The following KHDRBS2 variants were observed in gnomAD, a reference collection of about 807,000 sequenced individuals.
KHDRBS2 encodes KH RNA binding domain containing, signal transduction associated 2, also known as KH domain-containing, RNA-binding, signal transduction-associated protein 2.
In KHDRBS2, 26 loss-of-function variants were observed where a neutral mutation model predicts 44.3. The observed-to-expected ratio is 0.59, with a 90% CI of 0.43 to 0.81. KHDRBS2 has a LOEUF of 0.81. Ranked by LOEUF, KHDRBS2 falls within the 40% of genes least tolerant of loss-of-function variation. The pLI is 0.00. For synonymous variants in KHDRBS2, 194 were observed against 151.1 expected, an observed-to-expected ratio of 1.28 and a Z score of -2.08; for missense variants, 476 against 433.1, an observed-to-expected ratio of 1.10 and a Z score of -0.88.
chr6:61,786,408 T>C (rs1783815332), intron 6 of KHDRBS2, among the ~76,000 whole-genome samples: 1 of 152,036 alleles, frequency 6.6e-6, no homozygotes, highest in Non-Finnish European at 1.5e-5. Context: ...GCAATTTGAA[T>C]GAAATTAACA....
chr6:61,949,934 G>A lies in KHDRBS2; in HGVS notation c.483+28132C>T, dbSNP rs116989323. Among the ~76,000 whole-genome samples the A allele has an allele frequency of 4.3e-4, 65 of 152,092 alleles. No individual in the cohort carries two copies. The East Asian group carries it at 5.8e-3, about 14-fold the overall frequency. On this transcript the variant is annotated intron_variant, in intron 4 of 8. Coordinates refer to ENST00000281156, the MANE Select transcript of KHDRBS2 (RefSeq NM_152688.4). ...TATCACTAGTTCAATTGTTGAAAAT[G>A]AAATTTTTTATTGAGTCAGTAAAAA...
chr6:62,022,403 T>A (rs1344124139), intron 3 of KHDRBS2, among the ~76,000 whole-genome samples: 1 of 151,636 alleles, frequency 6.6e-6, no homozygotes, highest in African/African-American at 2.4e-5. Flanking sequence ...TGTCTGTGTA[T>A]CAAAATGGTA....
intron 2 of KHDRBS2, among the ~76,000 whole-genome samples, chr6:62,139,807 G>T (rs957941521): frequency 6.6e-6 from 1 of 151,996 alleles, no homozygotes; most frequent in South Asian, 2.1e-4. Context: ...TGACAATCAC[G>T]TAAGGGCTGC....
chr6:62,114,653 C>A (rs1351288215), intron 2 of KHDRBS2, among the ~76,000 whole-genome samples: 1 of 152,056 alleles, frequency 6.6e-6, no homozygotes, highest in African/African-American at 2.4e-5. Context: ...TATGCGTTAT[C>A]TTTCACTAAG....
intron 6 of KHDRBS2, among the ~76,000 whole-genome samples, chr6:61,818,266 T>TAAAAA (rs60399147): frequency 7.5e-4 from 86 of 114,454 alleles, no homozygotes; most frequent in African/African-American, 2.7e-3. Context: ...CCTCTGTAAG[T>TAAAAA]AAAAAAAAAA....
chr6:62,005,400 A>T (rs939129798), intron 3 of KHDRBS2, among the ~76,000 whole-genome samples: 1 of 152,030 alleles, frequency 6.6e-6, no homozygotes, highest in African/African-American at 2.4e-5. Context: ...CAATTAAAAA[A>T]ATTTATTTGT....
intron 1 of KHDRBS2, among the ~76,000 whole-genome samples, chr6:62,274,128 G>T (rs1394935351): frequency 1.3e-5 from 2 of 151,998 alleles, no homozygotes; most frequent in Non-Finnish European, 2.9e-5. Flanking sequence ...TAGACACGGG[G>T]TTTAACCATA....
chr6:61,544,435 G>C, the KHDRBS2 span, among the ~76,000 whole-genome samples: 1 of 151,930 alleles, frequency 6.6e-6, no homozygotes, highest in South Asian at 2.1e-4. Context: ...ATTTTCAAGA[G>C]TTTAAAAATA....
At chr6:61,795,144 C>CAAAAAAAAAAA (rs1166333660) in intron 6 of KHDRBS2, among the ~76,000 whole-genome samples, 45 of 59,672 alleles carry the variant, frequency 7.5e-4, no homozygotes, top group African/African-American at 2.7e-3. Context: ...GACTCCGTCT[C>CAAAAAAAAAAA]AAAAAAAAAA....
chr6:61,662,674 G>T, the KHDRBS2 span, among the ~76,000 whole-genome samples: 9 of 152,036 alleles, frequency 5.9e-5, 1 homozygote, highest in Admixed American at 2.6e-4. Context: ...GGCCATCAGA[G>T]AAATGCAAAT....
At chr6:61,820,203 G>A (rs1375655916) in intron 6 of KHDRBS2, among the ~76,000 whole-genome samples, 1 of 151,994 alleles carries the variant, frequency 6.6e-6, no homozygotes, top group East Asian at 1.9e-4. Context: ...AATTACCATG[G>A]GATGACATTG....
At chr6:62,061,240 C>T (rs1303734700) in intron 2 of KHDRBS2, among the ~76,000 whole-genome samples, 3 of 150,758 alleles carry the variant, frequency 2.0e-5, no homozygotes, top group Admixed American at 6.6e-5. Context: ...TGATTTTGCT[C>T]GTTAGTTGAT....
At chr6:61,574,371 C>T in the KHDRBS2 span, 3 of 1,526,560 alleles carry the variant, frequency 2.0e-6, no homozygotes, top group Non-Finnish European at 2.6e-6. Flanking sequence ...TCAACCACTG[C>T]AACTGACCTG....
At chr6:61,888,478 T>C (rs531550702) in intron 6 of KHDRBS2, among the ~76,000 whole-genome samples, 2 of 151,756 alleles carry the variant, frequency 1.3e-5, no homozygotes, top group South Asian at 4.2e-4. Context: ...ATATCCAGTA[T>C]GTAGATAAAA....
the KHDRBS2 span, among the ~76,000 whole-genome samples, chr6:61,565,513 T>C: frequency 2.6e-5 from 4 of 152,040 alleles, no homozygotes; most frequent in Non-Finnish European, 4.4e-5. Flanking sequence ...AAGGTCTAAA[T>C]AGATGCTTTT....
chr6:62,215,625 G>A (rs1375414894), intron 1 of KHDRBS2, among the ~76,000 whole-genome samples: 1 of 151,534 alleles, frequency 6.6e-6, no homozygotes, highest in East Asian at 1.9e-4. Context: ...ACTTCCTTAG[G>A]TTATTTAAAT....
chr6:61,544,947 C>T, the KHDRBS2 span, among the ~76,000 whole-genome samples: 32 of 151,704 alleles, frequency 2.1e-4, no homozygotes, highest in East Asian at 2.3e-3. Context: ...GAGGGAGTGG[C>T]GAGGGATAGC....
chr6:61,737,408 C>T (rs928963735), intron 6 of KHDRBS2, among the ~76,000 whole-genome samples: 4 of 151,954 alleles, frequency 2.6e-5, no homozygotes, highest in African/African-American at 9.7e-5. Flanking sequence ...AATATGTATA[C>T]ACATAAATAT....
At chr6:62,076,028 TG>T (rs776125587) in intron 2 of KHDRBS2, among the ~76,000 whole-genome samples, 2 of 151,878 alleles carry the variant, frequency 1.3e-5, no homozygotes, top group African/African-American at 2.4e-5. Context: ...CGTTTGAATA[TG>T]GGGCAGGGGA....
Sources: allele counts gnomAD v4.1 joint callset (sites outside exome capture counted in the v4.1 genomes callset), GRCh38; gene constraint gnomAD v4.1.1; transcripts MANE v1.5; gene names NCBI Gene and HGNC (gene_info 2026-07-23, HGNC 2026-07-21).